PAXIP1: variants seen among roughly 807,000 people sequenced by gnomAD.
The protein encoded by PAXIP1 is PAX-interacting protein 1.
A neutral mutation model predicts 140.6 loss-of-function variants in PAXIP1; 19 were observed. The ratio of observed to expected loss-of-function variants is 0.14; its 90% confidence interval spans 0.09 to 0.20. PAXIP1 has a LOEUF of 0.20. Ranked by LOEUF, PAXIP1 falls within the 10% of genes least tolerant of loss-of-function variation. The pLI, the probability that PAXIP1 is intolerant of heterozygous loss-of-function variation, is 1.00. For synonymous variants in PAXIP1, 442 were observed against 444.6 expected (o/e 0.99, Z 0.07); for missense variants, 920 against 1,208.6 (o/e 0.76, Z 3.54).
rs150424966 is a variant in PAXIP1 at position 154,975,115 on chromosome 7, C to T, written c.1074+581G>A. On this transcript the variant is annotated intron_variant, in intron 6 of 20. Coordinates refer to ENST00000404141, the MANE Select transcript of PAXIP1 (RefSeq NM_007349.4). ...GAGGTTGCAGTGCGCAGAGATCATG[C>T]AACTGCACTCCAGCCTGGGCGACAG... is the stretch of plus-strand genomic sequence containing the variant. Among the ~76,000 whole-genome samples the T allele has an allele frequency of 9.3e-3, 1,336 of 143,448 alleles. 33 individuals are homozygous for T. Among genetic ancestry groups the T allele is most frequent in the African/African-American group, 0.033 (1,256 of 37,906 alleles). 94.1% of individuals were successfully genotyped at this position (143,448 alleles called of 152,430 possible).
intron 16 of PAXIP1, among the ~76,000 whole-genome samples, chr7:154,952,703 A>C (rs1808325846): frequency 6.6e-6 from 1 of 152,234 alleles, no homozygotes; most frequent in South Asian, 2.1e-4. Context: ...AGAGGCGCTC[A>C]GGAACCTAAC....
Position 154,998,802 on chromosome 7 carries a change from C to G in PAXIP1, c.82-18G>C, listed in dbSNP as rs200292138. 6.2e-7 allele frequency: 1 copy of G among 1,601,600 alleles called. No homozygotes were observed. Among genetic ancestry groups the G allele is most frequent in the Non-Finnish European group, 8.5e-7 (1 of 1,173,058 alleles). ...TGAATAACCTAAAAAACAAGAAAATCCACACAAATTAAAATGGGCAATACT... is the reference window on the plus strand; with the variant it reads ...TGAATAACCTAAAAAACAAGAAAATGCACACAAATTAAAATGGGCAATACT... On this transcript the variant is annotated intron_variant, in intron 1 of 20. Transcript: ENST00000404141.
intron 4 of PAXIP1, among the ~76,000 whole-genome samples, chr7:154,987,960 A>C (rs1397158880): frequency 6.6e-6 from 1 of 152,206 alleles, no homozygotes; most frequent in Non-Finnish European, 1.5e-5. Context: ...AATGATCACA[A>C]GTGATTCTAA....
intron 16 of PAXIP1, among the ~76,000 whole-genome samples, chr7:154,953,380 T>C (rs1808361884): frequency 6.6e-6 from 1 of 152,234 alleles, no homozygotes; most frequent in Non-Finnish European, 1.5e-5. Context: ...CATTGCTACA[T>C]GATGGAGTAG....
chr7:154,983,370 T>G lies in PAXIP1; in HGVS notation c.325-38A>C, dbSNP rs1420293080. 4 of 986,626 alleles carry G rather than the reference T, an allele frequency of 4.1e-6. No individual in the cohort carries two copies. In the South Asian group the frequency reaches 5.4e-5, roughly 13 times the overall value. The allele number at this position is 986,626 out of a possible 1,614,324, so 61.1% of individuals were successfully genotyped here. On this transcript the variant is annotated intron_variant, in intron 4 of 20. Transcript: ENST00000404141. ...TAGAAAGAAGGCTTTTACCATACAT[T>G]TCAATCTGTGCATGGCTATATTTTC...
chr7:154,978,203 T>C (rs1809689363), intron 5 of PAXIP1, among the ~76,000 whole-genome samples: 1 of 152,280 alleles, frequency 6.6e-6, no homozygotes, highest in Admixed American at 6.5e-5. Context: ...CAAAGGCTTT[T>C]ACAGTTTCCT....
rs927043006 is a variant in PAXIP1 at position 155,003,076 on chromosome 7, TCCCCCGCCCTCCGCG to T, written c.-162_-148del. 11 of 188,304 alleles carry T rather than the reference TCCCCCGCCCTCCGCG, an allele frequency of 5.8e-5. No homozygotes were observed. The highest frequency in any genetic ancestry group is 2.1e-4 in the African/African-American group (8 of 38,866). 11.7% of individuals were successfully genotyped at this position (188,304 alleles called of 1,614,324 possible). A position where few individuals can be genotyped will look rare whatever the true frequency, so the allele number is the denominator to read the frequency against. ...CCCGGTCCTGCGAATCGGGGTCCGC[TCCCCCGCCCTCCGCG>T]CCCCCGCCCGCGCCCGCGCCGAGCG... On this transcript the variant is annotated 5_prime_UTR_variant, in exon 1 of 21. Coordinates refer to ENST00000404141, the MANE Select transcript of PAXIP1 (RefSeq NM_007349.4).
At chr7:154,985,600 G>T (rs2150776188) in intron 4 of PAXIP1, among the ~76,000 whole-genome samples, 2 of 152,300 alleles carry the variant, frequency 1.3e-5, no homozygotes, top group South Asian at 4.1e-4. Flanking sequence ...CTATCTGCTT[G>T]CTTATCTGTC....
At chr7:154,997,946 G>A (rs774672835) in intron 2 of PAXIP1, among the ~76,000 whole-genome samples, 2 of 152,204 alleles carry the variant, frequency 1.3e-5, no homozygotes, top group African/African-American at 2.4e-5. Context: ...GCCTGCTTTT[G>A]GAATGAAATA....
chr7:154,956,753 C>T lies in PAXIP1; in HGVS notation c.2549+471G>A, dbSNP rs1308545215. On this transcript the variant is annotated intron_variant, in intron 14 of 20. Transcript: ENST00000404141. This position sits in a 1 kb window ranked among gnomAD's most constrained non-coding sequence, Gnocchi z 4.2. The stretch of plus-strand genomic sequence containing the variant: ...GAACTGGCAGATCCAAGGAGCATAC[C>T]CAAGATGACGCCACAGCCTACATGC... 3 of 153,980 alleles carry T rather than the reference C, an allele frequency of 1.9e-5. No homozygotes were observed. In the Admixed American group the frequency reaches 2.0e-4, roughly 10 times the overall value. 9.5% of individuals were successfully genotyped at this position (153,980 alleles called of 1,614,324 possible). A position where few individuals can be genotyped will look rare whatever the true frequency, so the allele number is the denominator to read the frequency against.
chr7:154,977,287 G>A (rs1809624319), intron 5 of PAXIP1, among the ~76,000 whole-genome samples: 1 of 152,184 alleles, frequency 6.6e-6, no homozygotes, highest in African/African-American at 2.4e-5. Context: ...TAAATGAGTT[G>A]TAAATTTGGC....
At chr7:154,959,794 T>A in intron 13 of PAXIP1, 96 bp downstream of exon 13, 1 of 817,052 alleles carries the variant, frequency 1.2e-6, no homozygotes, top group Non-Finnish European at 2.1e-6. Context: ...TGTTGACAAG[T>A]TACTAAAATA....
At chr7:154,978,873 A>G (rs1470656584) in intron 5 of PAXIP1, among the ~76,000 whole-genome samples, 1 of 152,228 alleles carries the variant, frequency 6.6e-6, no homozygotes, top group African/African-American at 2.4e-5. Flanking sequence ...ATAATTTCAC[A>G]CTTAAAAGGC....
chr7:154,981,750 T>C (rs1187294052), intron 5 of PAXIP1, among the ~76,000 whole-genome samples: 13 of 152,222 alleles, frequency 8.5e-5, no homozygotes, highest in Non-Finnish European at 1.5e-5. Flanking sequence ...TATTTATATA[T>C]AGACCTTATG....
intron 2 of PAXIP1, among the ~76,000 whole-genome samples, chr7:154,997,030 G>T (rs766066938): frequency 6.6e-6 from 1 of 152,092 alleles, no homozygotes; most frequent in Admixed American, 6.5e-5. Context: ...TTGTAGGAAG[G>T]AGAAGGAAGA....
intron 13 of PAXIP1, among the ~76,000 whole-genome samples, chr7:154,958,165 C>A (rs1187691931): frequency 6.6e-6 from 1 of 152,172 alleles, no homozygotes; most frequent in Non-Finnish European, 1.5e-5. Flanking sequence ...AACATGGTCA[C>A]ATCCACTAGG....
At chr7:154,976,355 A>C in intron 5 of PAXIP1, 24 bp from the exon 6 acceptor site, 1 of 1,538,594 alleles carries the variant, frequency 6.5e-7, no homozygotes, top group Non-Finnish European at 8.7e-7. Context: ...AGAAACACAC[A>C]CAAAACAAAG....
chr7:154,969,168 G>C (rs1344118205), intron 6 of PAXIP1, 42 bp from the exon 7 acceptor site: 4 of 1,434,422 alleles, frequency 2.8e-6, no homozygotes, highest in Non-Finnish European at 1.8e-6. Context: ...AACAGTTCCT[G>C]AAACAGATGA....
chr7:154,998,235 C>A (rs752534391), intron 2 of PAXIP1, among the ~76,000 whole-genome samples: 1 of 152,174 alleles, frequency 6.6e-6, no homozygotes, highest in South Asian at 2.1e-4. Context: ...AGGGCCAGCA[C>A]GGTGGCTCAT....
Sources: allele counts gnomAD v4.1 joint callset (sites outside exome capture counted in the v4.1 genomes callset), GRCh38; gene constraint gnomAD v4.1.1; non-coding constraint Gnocchi (gnomAD v3.1); transcripts MANE v1.5; gene names NCBI Gene and HGNC (gene_info 2026-07-23, HGNC 2026-07-21).